The following XRN1 variants were observed in gnomAD, a reference collection of about 807,000 sequenced individuals.
XRN1 encodes 5'-3' exoribonuclease 1.
A neutral mutation model predicts 222.3 loss-of-function variants in XRN1; 67 were observed. That is an observed-to-expected ratio of 0.30 (90% confidence interval 0.25 to 0.37). XRN1 has a LOEUF of 0.37. XRN1 is among the 10% of genes least tolerant of loss of function. XRN1 has a pLI of 1.00. For synonymous variants in XRN1, 643 were observed against 652.4 expected (o/e 0.99, Z 0.22); for missense variants, 1,707 against 2,000.2 (o/e 0.85, Z 2.80).
chr3:142,371,175 T>C, intron 26 of XRN1, 64 bp downstream of exon 26: 1 of 1,252,030 alleles, frequency 8.0e-7, no homozygotes, highest in Non-Finnish European at 1.1e-6. Flanking sequence ...AGAAACCAGC[T>C]GCAGTTGTCA....
At chr3:142,427,289 T>C (rs1339287922) in intron 2 of XRN1, among the ~76,000 whole-genome samples, 1 of 151,998 alleles carries the variant, frequency 6.6e-6, no homozygotes, top group Non-Finnish European at 1.5e-5. Flanking sequence ...GTGATGATTG[T>C]ACCCACTGCA....
intron 37 of XRN1, among the ~76,000 whole-genome samples, chr3:142,320,238 T>C (rs1202841660): frequency 6.6e-6 from 1 of 152,146 alleles, no homozygotes. Context: ...CAAAATCTGT[T>C]TTTTGACTTT....
At chr3:142,375,731 G>C (rs2107908252) in intron 25 of XRN1, 67 bp downstream of exon 25, 1 of 1,435,744 alleles carries the variant, frequency 7.0e-7, no homozygotes, top group South Asian at 1.5e-5. Context: ...CTAATATCAG[G>C]AAGGCAAAAT....
intron 19 of XRN1, 55 bp downstream of exon 19, chr3:142,400,389 T>C: frequency 7.1e-7 from 1 of 1,408,134 alleles, no homozygotes. Context: ...ATAAAAGCCA[T>C]CAAAGTCACA....
chr3:142,437,075 A>T (rs2069946684), intron 1 of XRN1, among the ~76,000 whole-genome samples: 1 of 152,214 alleles, frequency 6.6e-6, no homozygotes, highest in Admixed American at 6.5e-5. Context: ...ACAAAGAATA[A>T]TTAATCATTG....
intron 29 of XRN1, among the ~76,000 whole-genome samples, chr3:142,363,693 C>G (rs574257314): frequency 1.3e-5 from 2 of 152,102 alleles, no homozygotes; most frequent in Admixed American, 6.5e-5. Flanking sequence ...AAATTTTACT[C>G]TAGCTTTGTA....
intron 33 of XRN1, among the ~76,000 whole-genome samples, chr3:142,345,271 T>C (rs2066112177): frequency 6.6e-6 from 1 of 152,084 alleles, no homozygotes; most frequent in African/African-American, 2.4e-5. Flanking sequence ...GACTATTCAA[T>C]GGGGTGTCAA....
At chr3:142,376,627 G>A (rs1276129498) in intron 23 of XRN1, 33 bp from the exon 24 acceptor site, 1 of 1,431,574 alleles carries the variant, frequency 7.0e-7, no homozygotes, top group Non-Finnish European at 9.7e-7. Flanking sequence ...GTCAATTATG[G>A]AAACACAAGT....
At chr3:142,335,412 A>G (rs369667413) in intron 34 of XRN1, 36 bp downstream of exon 34, 2 of 1,594,738 alleles carry the variant, frequency 1.3e-6, no homozygotes, top group Non-Finnish European at 1.7e-6. Flanking sequence ...GCATTAAAAA[A>G]TTGGTAACTA....
chr3:142,371,983 G>GTCAA (rs2067004175), intron 25 of XRN1, among the ~76,000 whole-genome samples: 1 of 152,154 alleles, frequency 6.6e-6, no homozygotes, highest in Non-Finnish European at 1.5e-5. Flanking sequence ...CTACCAGTGG[G>GTCAA]GGAAGTCAAT....
At chr3:142,377,036 T>A (rs909122355) in intron 23 of XRN1, among the ~76,000 whole-genome samples, 4 of 152,090 alleles carry the variant, frequency 2.6e-5, no homozygotes, top group African/African-American at 9.7e-5. Flanking sequence ...AGGTACATCA[T>A]CAAAATCGTT....
chr3:142,430,359 T>G (rs574850536), intron 2 of XRN1, among the ~76,000 whole-genome samples: 1 of 152,296 alleles, frequency 6.6e-6, no homozygotes, highest in African/African-American at 2.4e-5. Context: ...AATCCCTCCT[T>G]AACACTAGAT....
intron 13 of XRN1, 101 bp from the exon 14 acceptor site, chr3:142,414,392 T>C: frequency 1.1e-6 from 1 of 930,622 alleles, no homozygotes; most frequent in Non-Finnish European, 1.4e-6. Flanking sequence ...ATAAAAATAA[T>C]TTTAAAAAAT....
intron 19 of XRN1, among the ~76,000 whole-genome samples, chr3:142,397,765 C>T (rs192403162): frequency 1.1e-3 from 175 of 152,208 alleles, no homozygotes; most frequent in Non-Finnish European, 2.0e-3. Flanking sequence ...TCTATAGCAA[C>T]AGTAGGTTGA....
At chr3:142,332,340 A>G (rs1176368894) in intron 36 of XRN1, 35 bp downstream of exon 36, 5 of 1,415,172 alleles carry the variant, frequency 3.5e-6, no homozygotes, top group Non-Finnish European at 4.8e-6. Flanking sequence ...AATTTTTAAA[A>G]TGATATTATT....
intron 20 of XRN1, among the ~76,000 whole-genome samples, chr3:142,386,708 T>C (rs1559838758): frequency 6.6e-6 from 1 of 152,262 alleles, no homozygotes; most frequent in East Asian, 1.9e-4. Flanking sequence ...CAAAAGAGTA[T>C]GCATATTCAA....
chr3:142,445,344 G>C (rs1315509714), intron 1 of XRN1, among the ~76,000 whole-genome samples: 1 of 151,386 alleles, frequency 6.6e-6, no homozygotes, highest in Non-Finnish European at 1.5e-5. Flanking sequence ...TTATAATTTT[G>C]GTCTATTTTG....
intron 37 of XRN1, among the ~76,000 whole-genome samples, chr3:142,325,020 A>T (rs2065478067): frequency 1.3e-5 from 2 of 152,170 alleles, no homozygotes; most frequent in African/African-American, 4.8e-5. Context: ...CACTGCAATA[A>T]ACATGAGAGG....
chr3:142,341,464 A>C (rs920890220), intron 33 of XRN1, among the ~76,000 whole-genome samples: 3 of 151,906 alleles, frequency 2.0e-5, no homozygotes, highest in Non-Finnish European at 4.4e-5. Context: ...AAGAATAATA[A>C]ATAATAATAA....
Sources: gnomAD v4.1 joint callset for allele counts (sites outside exome capture counted in the v4.1 genomes callset) on GRCh38, gnomAD v4.1.1 for gene constraint, MANE v1.5 for transcripts, NCBI Gene and HGNC (gene_info 2026-07-23, HGNC 2026-07-21) for gene names.